Variants in GALNT10 observed in about 807,000 individuals in gnomAD.
GALNT10 encodes polypeptide N-acetylgalactosaminyltransferase 10.
Under a neutral mutation model 75.0 loss-of-function variants are expected in GALNT10, and 41 were observed. The observed-to-expected ratio is 0.55, with a 90% CI of 0.43 to 0.71. The LOEUF is 0.71. GALNT10 is among the 30% of genes least tolerant of loss of function. GALNT10 has a pLI of 0.00. For synonymous variants in GALNT10, 302 were observed against 313.0 expected, an observed-to-expected ratio of 0.96 and a Z score of 0.37; for missense variants, 727 against 818.5, an observed-to-expected ratio of 0.89 and a Z score of 1.36.
intron 7 of GALNT10, chr5:154,392,643 G>C (rs1455546087): frequency 3.3e-5 from 5 of 152,432 alleles, no homozygotes; most frequent in Non-Finnish European, 7.3e-5. Flanking sequence ...GTTTGGATTA[G>C]GGGGGGAGGC....
chr5:154,349,121 T>C (rs922291488), intron 4 of GALNT10, among the ~76,000 whole-genome samples: 20 of 152,072 alleles, frequency 1.3e-4, no homozygotes, highest in Admixed American at 4.6e-4. Context: ...TTATTTTAAA[T>C]AAAAATAATC....
chr5:154,329,006 T>G (rs1394887427), intron 3 of GALNT10, among the ~76,000 whole-genome samples: 1 of 151,994 alleles, frequency 6.6e-6, no homozygotes, highest in Admixed American at 6.5e-5. Flanking sequence ...AGCTTCTAAT[T>G]ATGGCATGTT....
At chr5:154,323,766 TCTGAAATCCTGTCAGGTA>T (rs1386970790) in intron 3 of GALNT10, among the ~76,000 whole-genome samples, 120 of 152,334 alleles carry the variant, frequency 7.9e-4, no homozygotes, top group African/African-American at 2.4e-3. Context: ...TTGAACATTA[TCTGAAATCCTGTCAGGTA>T]CTGAAACCAG....
At chr5:154,250,756 A>G (rs1325471128) in intron 1 of GALNT10, among the ~76,000 whole-genome samples, 2 of 152,130 alleles carry the variant, frequency 1.3e-5, no homozygotes, top group Admixed American at 6.6e-5. Flanking sequence ...AAAGATTACA[A>G]ACATCTTGTC....
intron 5 of GALNT10, among the ~76,000 whole-genome samples, chr5:154,377,384 A>T (rs1294421252): frequency 1.3e-5 from 2 of 152,234 alleles, no homozygotes; most frequent in Non-Finnish European, 2.9e-5. Context: ...AAGGATGGGT[A>T]AGCTCTGCAC....
intron 1 of GALNT10, among the ~76,000 whole-genome samples, chr5:154,191,929 G>C (rs757353669): frequency 6.6e-6 from 1 of 152,236 alleles, no homozygotes; most frequent in Non-Finnish European, 1.5e-5. Context: ...GTATGTGTGC[G>C]TGCACGCATT....
chr5:154,370,018 TATTCCACTTGGGA>T (rs1469395724), intron 4 of GALNT10, among the ~76,000 whole-genome samples: 3 of 152,272 alleles, frequency 2.0e-5, no homozygotes, highest in Admixed American at 1.3e-4. Flanking sequence ...AACTCTGAAA[TATTCCACTTGGGA>T]ATTGATCTGA....
In GALNT10 at chr5:154,412,615, C is replaced by A. The variant is rs1376343188; in HGVS notation, c.1387-274C>A. Reference sequence around the variant, plus strand: ...GTAGGGCCAGGGAGTCCTTTACCAACTCCTCACCTCCACTCCCCCACCACC... The same window carrying A: ...GTAGGGCCAGGGAGTCCTTTACCAAATCCTCACCTCCACTCCCCCACCACC... On this transcript the variant is annotated intron_variant, in intron 9 of 11. Coordinates refer to ENST00000297107, the MANE Select transcript of GALNT10 (RefSeq NM_198321.4). The surrounding 1 kb of genome is among the most constrained non-coding windows in gnomAD (Gnocchi z 4.2). The A allele has an allele frequency of 5.7e-6, 2 of 353,454 alleles. No individual in the cohort carries two copies. Among genetic ancestry groups the A allele is most frequent in the East Asian group, 1.5e-4 (2 of 13,054 alleles). The allele number at this position is 353,454 out of a possible 1,614,324, so 21.9% of individuals were successfully genotyped here. A position where few individuals can be genotyped will look rare whatever the true frequency, so the allele number is the denominator to read the frequency against.
At chr5:154,365,175 A>G (rs944866693) in intron 4 of GALNT10, among the ~76,000 whole-genome samples, 5 of 152,170 alleles carry the variant, frequency 3.3e-5, no homozygotes, top group African/African-American at 9.7e-5. Context: ...AGTGCTTTCT[A>G]TTTCTGGGAG....
In GALNT10 at chr5:154,276,882, T is replaced by A. The variant is rs78672989; in HGVS notation, c.160-17934T>A. 4.9e-3 allele frequency among the ~76,000 whole-genome samples: 742 copies of A among 152,152 alleles called. 5 individuals carry two copies. Among genetic ancestry groups the A allele is most frequent in the African/African-American group, 0.017 (697 of 41,514 alleles). ...TTTGAACTGAACCTCAGAAGATAGG[T>A]GTTGTTTGGATCTTAAAAAATGAGG... On this transcript the variant is annotated intron_variant, in intron 1 of 11. Transcript: ENST00000297107.
rs753217649 is a variant in GALNT10, at chr5:154,409,174, C to G, written c.1165-367C>G. Among the ~76,000 whole-genome samples, 2 of 152,136 alleles carry G rather than the reference C, an allele frequency of 1.3e-5. No homozygotes were observed. The highest frequency in any genetic ancestry group is 2.9e-5 in the Non-Finnish European group (2 of 68,030). On this transcript the variant is annotated intron_variant, in intron 8 of 11. Coordinates refer to ENST00000297107, the MANE Select transcript of GALNT10 (RefSeq NM_198321.4). The surrounding 1 kb of genome is among the most constrained non-coding windows in gnomAD (Gnocchi z 4.5). Reference sequence around the variant, plus strand: ...TCTGCTGTTTGACCAGCCCCTGCACCGGGGGCGCCTGTATTCACATTAGCT... The same window carrying G: ...TCTGCTGTTTGACCAGCCCCTGCACGGGGGGCGCCTGTATTCACATTAGCT...
chr5:154,267,004 T>C (rs1002497090), intron 1 of GALNT10, among the ~76,000 whole-genome samples: 1 of 152,218 alleles, frequency 6.6e-6, no homozygotes, highest in African/African-American at 2.4e-5. Flanking sequence ...TAGCACCTTC[T>C]GCTAATATTG....
intron 1 of GALNT10, among the ~76,000 whole-genome samples, chr5:154,254,621 G>A (rs185629740): frequency 6.6e-6 from 1 of 150,594 alleles, no homozygotes; most frequent in Non-Finnish European, 1.5e-5. Flanking sequence ...TTTGAAAAAA[G>A]TCTGTAGCCC....
At chr5:154,293,917 A>G (rs891809762) in intron 1 of GALNT10, among the ~76,000 whole-genome samples, 2 of 152,082 alleles carry the variant, frequency 1.3e-5, no homozygotes, top group Non-Finnish European at 2.9e-5. Context: ...GTGGAACTGA[A>G]CTCATGTAGT....
intron 1 of GALNT10, among the ~76,000 whole-genome samples, chr5:154,223,146 G>A (rs116639701): frequency 0.018 from 2,766 of 152,332 alleles, 46 homozygotes; most frequent in Non-Finnish European, 0.026. Context: ...GAAAGGTACA[G>A]ACATAATCAG....
At position 154,226,744 on chromosome 5, in the gene GALNT10, C is replaced by G. The variant is rs138858410; in HGVS notation, c.159+35719C>G. Among the ~76,000 whole-genome samples, 10 of 152,250 alleles carry G rather than the reference C, an allele frequency of 6.6e-5. No homozygotes were observed. In the East Asian group the frequency reaches 1.9e-3, roughly 29 times the overall value. ...TTTTGTAAGTTTTCACATATCTATA[C>G]ACCCATGAAAACATCACCACCTCAA... On this transcript the variant is annotated intron_variant, in intron 1 of 11. Transcript: ENST00000297107.
intron 4 of GALNT10, among the ~76,000 whole-genome samples, chr5:154,337,280 T>C (rs1234750050): frequency 1.3e-5 from 2 of 152,230 alleles, no homozygotes; most frequent in African/African-American, 2.4e-5. Context: ...ATACAGTTAA[T>C]CACAAATACA....
At chr5:154,248,829 G>A (rs77886121) in intron 1 of GALNT10, among the ~76,000 whole-genome samples, 2,218 of 152,350 alleles carry the variant, frequency 0.015, 22 homozygotes, top group Middle Eastern at 0.058. Flanking sequence ...CTGAGGGAAT[G>A]AGGGCATTTT....
chr5:154,221,651 G>A (rs1752980134), intron 1 of GALNT10, among the ~76,000 whole-genome samples: 1 of 152,204 alleles, frequency 6.6e-6, no homozygotes, highest in African/African-American at 2.4e-5. Context: ...AATGCAACCT[G>A]ACATCTCTCT....
Sources: gnomAD v4.1 joint callset for allele counts (sites outside exome capture counted in the v4.1 genomes callset) on GRCh38, gnomAD v4.1.1 for gene constraint, Gnocchi (gnomAD v3.1) non-coding constraint, MANE v1.5 for transcripts, NCBI Gene and HGNC (gene_info 2026-07-23, HGNC 2026-07-21) for gene names.